Variants in PCDHGB6 observed in about 807,000 individuals in gnomAD.
The protein encoded by PCDHGB6 is protocadherin gamma subfamily B, 6, also known as protocadherin gamma-B6.
Under a neutral mutation model 59.1 loss-of-function variants are expected in PCDHGB6, and 51 were observed. That is an observed-to-expected ratio of 0.86 (90% confidence interval 0.69 to 1.09). The LOEUF is 1.09. Among genes scored for constraint, PCDHGB6 ranks in the 50% least tolerant of loss-of-function variants. PCDHGB6 has a pLI of 0.00. For missense variants in PCDHGB6, 1,148 were observed against 1,205.1 expected, an observed-to-expected ratio of 0.95 and a Z score of 0.70; for synonymous variants, 466 against 495.1, an observed-to-expected ratio of 0.94 and a Z score of 0.78.
chr5:141,486,405 G>A lies in PCDHGB6; in HGVS notation c.2419-8402G>A. 6.2e-7 allele frequency: 1 copy of A among 1,614,114 alleles called. No homozygotes were observed. The highest frequency in any genetic ancestry group is 2.2e-5 in the East Asian group (1 of 44,862). On this transcript the variant is annotated intron_variant, in intron 1 of 3. Transcript: ENST00000520790. The surrounding 1 kb of genome is among the most constrained non-coding windows in gnomAD (Gnocchi z 5.0). ...AACCAGTTCTCCCTGGTGACTGCTG[G>A]ACCCTTGGATCGAGAGGCCAAATCT...
chr5:141,408,455 C>A lies in PCDHGB6; in HGVS notation c.253C>A (p.Leu85Ile). ...FSVDAESGDL[L>I]VKNRIDREQI... ...CGTAGACGCGGAGAGCGGGGACTTACTTGTGAAGAACCGAATAGACCGTGA... is the reference window on the plus strand; with the variant it reads ...CGTAGACGCGGAGAGCGGGGACTTAATTGTGAAGAACCGAATAGACCGTGA... The change falls in exon 1 of 4, where the codon CTT (leucine) becomes ATT (isoleucine). Residue 85 changes from leucine (L) to isoleucine (I), a missense_variant. Around this residue, in one of 5 missense-constraint regions of PCDHGB6, gnomAD observed 307 missense variants for 323.8 expected, o/e 0.95. Transcript: ENST00000520790. 6.2e-7 allele frequency: 1 copy of A among 1,614,050 alleles called. No individual in the cohort carries two copies. Among genetic ancestry groups the A allele is most frequent in the South Asian group, 1.1e-5 (1 of 91,090 alleles).
rs762908598 is a variant in PCDHGB6 at position 141,491,157 on chromosome 5, T to A, written c.2419-3650T>A. The A allele has an allele frequency of 3.7e-6, 6 of 1,614,108 alleles. No homozygotes were observed. The Admixed American group carries it at 8.3e-5, about 22-fold the overall frequency. On this transcript the variant is annotated intron_variant, in intron 1 of 3. Transcript: ENST00000520790. The surrounding 1 kb of genome is among the most constrained non-coding windows in gnomAD (Gnocchi z 6.9). ...CCCGGGCCTTACTGGAGGATGACTC[T>A]GACACCCAGCAGGTGGTGGTCCTGG...
chr5:141,461,423 C>T lies in PCDHGB6; in HGVS notation c.2419-33384C>T, dbSNP rs1005977255. 3.9e-5 allele frequency among the ~76,000 whole-genome samples: 6 copies of T among 151,938 alleles called. No individual in the cohort carries two copies. In the South Asian group the frequency reaches 6.2e-4, roughly 16 times the overall value. On this transcript the variant is annotated intron_variant, in intron 1 of 3. Coordinates refer to ENST00000520790, the MANE Select transcript of PCDHGB6 (RefSeq NM_018926.3). ...AGCATTTTTTCATATGTTTGTGGGC[C>T]ATTTGTATACCTTCTTTTGAGAAAT... is the stretch of plus-strand genomic sequence containing the variant.
intron 1 of PCDHGB6, chr5:141,478,453 C>T: frequency 6.2e-7 from 1 of 1,613,594 alleles, no homozygotes; most frequent in Non-Finnish European, 8.5e-7. Context: ...CTGGTGCAGC[C>T]AGTCCACTGG....
At chr5:141,433,360 T>C (rs1313053553) in intron 1 of PCDHGB6, 46 of 298,056 alleles carry the variant, frequency 1.5e-4, no homozygotes, top group Non-Finnish European at 2.5e-4. Context: ...ACTGTCTGCC[T>C]ATCTATCTAT....
intron 1 of PCDHGB6, chr5:141,413,154 A>G: frequency 6.3e-7 from 1 of 1,576,026 alleles, no homozygotes; most frequent in Middle Eastern, 1.7e-4. Context: ...AGGACTTTGC[A>G]GAATTCTGTA....
intron 1 of PCDHGB6, chr5:141,423,517 T>G (rs750915364): frequency 1.9e-6 from 3 of 1,613,716 alleles, no homozygotes; most frequent in Non-Finnish European, 2.5e-6. Flanking sequence ...CATTGCGGAC[T>G]CGCAGAAGAG....
intron 1 of PCDHGB6, chr5:141,427,590 C>A: frequency 1.5e-6 from 1 of 679,008 alleles, no homozygotes; most frequent in Non-Finnish European, 2.7e-6. Flanking sequence ...CAGCACAAGC[C>A]TCACCCTACG....
chr5:141,437,617 C>T (rs570138576), intron 1 of PCDHGB6, among the ~76,000 whole-genome samples: 1 of 152,102 alleles, frequency 6.6e-6, no homozygotes, highest in Admixed American at 6.6e-5. Flanking sequence ...CTGCTTTATC[C>T]CCATATAAGA....
chr5:141,410,245 C>T lies in PCDHGB6; in HGVS notation c.2043C>T (p.Leu681=). ...ILPDLSDRPV[L]SDPQAELQFY... ...CAGACCTCAGCGACCGCCCTGTACT[C>T]TCTGACCCCCAGGCTGAACTGCAGT... The change falls in exon 1 of 4, where the codon CTC becomes CTT. Residue 681 remains leucine, a synonymous_variant. Coordinates refer to ENST00000520790, the MANE Select transcript of PCDHGB6 (RefSeq NM_018926.3). 6.2e-7 allele frequency: 1 copy of T among 1,614,038 alleles called. No homozygotes were observed.
At chr5:141,458,727 A>G (rs1424554234) in intron 1 of PCDHGB6, among the ~76,000 whole-genome samples, 1 of 151,570 alleles carries the variant, frequency 6.6e-6, no homozygotes, top group East Asian at 1.9e-4. Flanking sequence ...TCGCCACCAC[A>G]TCCAGCTATT....
At position 141,477,830 on chromosome 5, in the gene PCDHGB6, C is replaced by T; in HGVS notation, c.2419-16977C>T. ...TGCCCCCCAGGTCCTATATCCTCGG[C>T]CAGGTGGGAGCTCGGTGGAGATGCT... is the stretch of plus-strand genomic sequence containing the variant. On this transcript the variant is annotated intron_variant, in intron 1 of 3. Transcript: ENST00000520790. The surrounding 1 kb of genome is among the most constrained non-coding windows in gnomAD (Gnocchi z 4.9). 1 of 1,614,170 alleles carries T rather than the reference C, an allele frequency of 6.2e-7. No individual in the cohort carries two copies. Among genetic ancestry groups the T allele is most frequent in the Non-Finnish European group, 8.5e-7 (1 of 1,180,038 alleles).
At chr5:141,455,430 G>C (rs190218223) in intron 1 of PCDHGB6, among the ~76,000 whole-genome samples, 1 of 152,274 alleles carries the variant, frequency 6.6e-6, no homozygotes, top group Admixed American at 6.5e-5. Flanking sequence ...CTCCAAAAGA[G>C]GAGGTCCCCA....
chr5:141,488,128 G>T (rs1412334197), intron 1 of PCDHGB6, among the ~76,000 whole-genome samples: 1 of 152,226 alleles, frequency 6.6e-6, no homozygotes, highest in Non-Finnish European at 1.5e-5. Context: ...ACAGCAGAAA[G>T]AGGAGAGAAC....
intron 1 of PCDHGB6, among the ~76,000 whole-genome samples, chr5:141,449,525 G>T (rs2098641561): frequency 6.7e-6 from 1 of 148,580 alleles, no homozygotes; most frequent in South Asian, 2.1e-4. Flanking sequence ...GGAGGCGGAG[G>T]TTGCAGTGAG....
Position 141,422,832 on chromosome 5 carries a change from A to G in PCDHGB6, c.2418+12212A>G, listed in dbSNP as rs12520854. On this transcript the variant is annotated intron_variant, in intron 1 of 3. Coordinates refer to ENST00000520790, the MANE Select transcript of PCDHGB6 (RefSeq NM_018926.3). Reference sequence around the variant, plus strand: ...GAGACTTAGAACTGAGAGTGATAGCACGTGACAGCGGGGACCCGCCCCTCA... The same window carrying G: ...GAGACTTAGAACTGAGAGTGATAGCGCGTGACAGCGGGGACCCGCCCCTCA... The G allele has an allele frequency of 6.8e-3, 10,902 of 1,614,192 alleles. 60 individuals are homozygous for G. The highest frequency in any genetic ancestry group is 7.9e-3 in the Non-Finnish European group (9,294 of 1,180,036).
chr5:141,444,762 T>A (rs767523211), intron 1 of PCDHGB6, among the ~76,000 whole-genome samples: 2 of 152,248 alleles, frequency 1.3e-5, no homozygotes, highest in Non-Finnish European at 2.9e-5. Flanking sequence ...TAGTTCTATT[T>A]CTATATTCTT....
chr5:141,415,740 G>GTTTTTTTTTTT (rs57426385), intron 1 of PCDHGB6: 102 of 625,036 alleles, frequency 1.6e-4, no homozygotes, highest in Admixed American at 2.1e-4. Context: ...GTTTATTAAG[G>GTTTTTTTTTTT]TTTTTTTTTT....
In PCDHGB6 at chr5:141,409,864, C is replaced by A. The variant is rs772646188; in HGVS notation, c.1662C>A (p.Asp554Glu). The A allele has an allele frequency of 1.9e-6, 3 of 1,612,574 alleles. No individual in the cohort carries two copies. The East Asian group carries it at 6.7e-5, about 36-fold the overall frequency. ...ANVSLRVLVG[D>E]RNDNAPRVLY... is the part of the protein sequence containing the mutation. Reference sequence around the variant, plus strand: ...TGAGCCTGCGCGTGTTGGTGGGAGACCGCAATGACAACGCACCGCGGGTGC... The same window carrying A: ...TGAGCCTGCGCGTGTTGGTGGGAGAACGCAATGACAACGCACCGCGGGTGC... The change falls in exon 1 of 4, where the codon GAC becomes GAA. Residue 554 changes from aspartate (D) to glutamate (E), a missense_variant. By Grantham distance (45) the Asp-to-Glu change is conservative. This residue lies in a region of PCDHGB6 where 549 missense variants were observed against 527.5 expected (regional missense o/e 1.04). Transcript: ENST00000520790.
Sources: gnomAD v4.1 joint callset for allele counts (sites outside exome capture counted in the v4.1 genomes callset) on GRCh38, gnomAD v4.1.1 for gene constraint, gnomAD v4.1.1 regional missense constraint, Gnocchi (gnomAD v3.1) non-coding constraint, MANE v1.5 for transcripts, NCBI Gene and HGNC (gene_info 2026-07-23, HGNC 2026-07-21) for gene names.